Variants in UBE3A observed in about 807,000 individuals in gnomAD.
The protein encoded by UBE3A is ubiquitin protein ligase E3A.
In UBE3A, 6 loss-of-function variants were observed where a neutral mutation model predicts 83.4. That is an observed-to-expected ratio of 0.07 (90% CI 0.04 to 0.14). The LOEUF is 0.14. Ranked by LOEUF, UBE3A falls within the 10% of genes least tolerant of loss-of-function variation. The probability of loss-of-function intolerance (pLI) is 1.00; values close to 1 mark genes in which losing one functional copy is unlikely to be tolerated. For missense variants in UBE3A, 456 were observed against 1,036.1 expected, an observed-to-expected ratio of 0.44 and a Z score of 7.69; for synonymous variants, 337 against 355.4, an observed-to-expected ratio of 0.95 and a Z score of 0.58.
rs2152502529 is a variant in UBE3A at position 25,338,066 on chromosome 15, T to C, written c.*1071A>G. ...GGCACAGTAGCCATCTTTTTCATTA[T>C]GTTGCAACACTGATCACGTGCCTCG... On this transcript the variant is annotated 3_prime_UTR_variant, in exon 13 of 13. Coordinates refer to ENST00000648336, the MANE Select transcript of UBE3A (RefSeq NM_130839.5). 6.6e-6 allele frequency: 1 copy of C among 152,290 alleles called. No homozygotes were observed. Among genetic ancestry groups the C allele is most frequent in the African/African-American group, 2.4e-5 (1 of 41,572 alleles). 9.4% of individuals were successfully genotyped at this position (152,290 alleles called of 1,614,324 possible). A position where few individuals can be genotyped will look rare whatever the true frequency, so the allele number is the denominator to read the frequency against.
At chr15:25,364,656 T>TG (rs1201871842) in intron 6 of UBE3A, among the ~76,000 whole-genome samples, 4 of 149,510 alleles carry the variant, frequency 2.7e-5, no homozygotes, top group Admixed American at 2.0e-4. Flanking sequence ...TTTTTTTTTT[T>TG]TTTTTGAGAC....
chr15:25,376,636 T>A (rs776341317), intron 4 of UBE3A, among the ~76,000 whole-genome samples: 11 of 152,118 alleles, frequency 7.2e-5, no homozygotes, highest in Non-Finnish European at 1.2e-4. Flanking sequence ...AGCTAGACTT[T>A]GTCTCAAAAA....
intron 3 of UBE3A, chr15:25,405,719 GT>G: frequency 3.5e-6 from 2 of 568,810 alleles, no homozygotes; most frequent in Non-Finnish European, 6.3e-6. Context: ...CTCAATGCAT[GT>G]TTTTTAAAGG....
At chr15:25,342,918 G>A (rs1446648995) in intron 11 of UBE3A, among the ~76,000 whole-genome samples, 1 of 152,146 alleles carries the variant, frequency 6.6e-6, no homozygotes, top group South Asian at 2.1e-4. Context: ...GCAATGGCAG[G>A]CTCAGGAAGG....
chr15:25,354,311 T>C lies in UBE3A; in HGVS notation c.2354+42A>G, dbSNP rs906564798. 4.4e-6 allele frequency: 7 copies of C among 1,592,796 alleles called. No individual in the cohort carries two copies. In the East Asian group the frequency reaches 6.7e-5, roughly 15 times the overall value. On this transcript the variant is annotated intron_variant, in intron 11 of 12. Coordinates refer to ENST00000648336, the MANE Select transcript of UBE3A (RefSeq NM_130839.5). ...GGTCTGAAGCAAAATCACACACCCC[T>C]TTGGTGAATCAAATCTTCCTCTGAA...
At chr15:25,437,941 A>C (rs1409510737) in intron 1 of UBE3A, 1 of 152,296 alleles carries the variant, frequency 6.6e-6, no homozygotes, top group African/African-American at 2.4e-5. Context: ...TCAACTTCAG[A>C]AATCCTGGTG....
intron 11 of UBE3A, chr15:25,346,475 C>T (rs1002996596): frequency 2.0e-5 from 3 of 151,858 alleles, no homozygotes; most frequent in Non-Finnish European, 4.4e-5. Context: ...CTAAAATGTC[C>T]GAGACACAAT....
At chr15:25,382,197 T>G (rs2082291866) in intron 4 of UBE3A, among the ~76,000 whole-genome samples, 1 of 151,798 alleles carries the variant, frequency 6.6e-6, no homozygotes, top group African/African-American at 2.4e-5. Flanking sequence ...GGTGGGCGCC[T>G]ATAGTCCCAG....
At position 25,383,090 on chromosome 15, in the gene UBE3A, G is replaced by A. The variant is rs2082480183; in HGVS notation, c.63-7327C>T. ...AAGCATTACTTAGATATCGAAATCAGACAAATTTACAAGAAAAAAGAATCC... is the reference window on the plus strand; with the variant it reads ...AAGCATTACTTAGATATCGAAATCAAACAAATTTACAAGAAAAAAGAATCC... On this transcript the variant is annotated intron_variant, in intron 4 of 12. Transcript: ENST00000648336. Among the ~76,000 whole-genome samples, 3 of 151,786 alleles carry A rather than the reference G, an allele frequency of 2.0e-5. No individual in the cohort carries two copies. In the South Asian group the frequency reaches 6.2e-4, roughly 31 times the overall value.
Position 25,430,084 on chromosome 15 carries a change from TAA to T in UBE3A, c.-165+8403_-165+8404del, listed in dbSNP as rs1255708289. On this transcript the variant is annotated intron_variant, in intron 1 of 12. Coordinates refer to ENST00000648336, the MANE Select transcript of UBE3A (RefSeq NM_130839.5). ...ATTATATATATATAATACATATATA[TAA>T]GATTATATATATATTATATATATAA... Among the ~76,000 whole-genome samples, 3 of 97,788 alleles carry T rather than the reference TAA, an allele frequency of 3.1e-5. No individual in the cohort carries two copies. In the Admixed American group the frequency reaches 3.8e-4, roughly 12 times the overall value. The allele number at this position is 97,788 out of a possible 152,430, so 64.2% of individuals were successfully genotyped here.
At position 25,375,654 on chromosome 15, in the gene UBE3A, G is replaced by T; in HGVS notation, c.172C>A (p.Leu58Ile). 1.9e-6 allele frequency: 3 copies of T among 1,614,138 alleles called. No individual in the cohort carries two copies. Among genetic ancestry groups the T allele is most frequent in the South Asian group, 1.1e-5 (1 of 91,078 alleles). The part of the protein sequence containing the change: ...NEFCASCPTF[L>I]RMDNNAAAIK... ...GCTGCTGCATTATTATCCATACGAA[G>T]AAAAGTTGGACAGGAAGCACAAAAC... Residue 58 changes from leucine to isoleucine, a missense_variant, in exon 5 of 13, where the codon CTT (leucine) becomes ATT (isoleucine). By Grantham distance (5) the Leu-to-Ile change is conservative. This residue lies in a region of UBE3A where 20 missense variants were observed against 50.4 expected (regional missense o/e 0.40). Coordinates refer to ENST00000648336, the MANE Select transcript of UBE3A (RefSeq NM_130839.5).
At chr15:25,386,987 A>C (rs187327649) in intron 4 of UBE3A, among the ~76,000 whole-genome samples, 3 of 152,214 alleles carry the variant, frequency 2.0e-5, no homozygotes, top group Non-Finnish European at 2.9e-5. Flanking sequence ...GGAAACACTG[A>C]AAGTAAAATA....
At chr15:25,389,436 C>A (rs2083824176) in intron 4 of UBE3A, among the ~76,000 whole-genome samples, 1 of 152,096 alleles carries the variant, frequency 6.6e-6, no homozygotes, top group South Asian at 2.1e-4. Context: ...AAGGTACCAA[C>A]CATGAAGAAA....
At chr15:25,361,167 C>G (rs2078025447) in intron 6 of UBE3A, among the ~76,000 whole-genome samples, 1 of 147,038 alleles carries the variant, frequency 6.8e-6, no homozygotes, top group African/African-American at 2.5e-5. Context: ...ACTCTGTCGC[C>G]TAGGCTGGAG....
intron 3 of UBE3A, among the ~76,000 whole-genome samples, chr15:25,405,831 T>A (rs1033494993): frequency 1.3e-5 from 2 of 152,172 alleles, no homozygotes; most frequent in Admixed American, 1.3e-4. Context: ...ACTAAAAAAC[T>A]TCCTATAGCC....
chr15:25,340,621 G>T (rs1210916729), intron 11 of UBE3A, among the ~76,000 whole-genome samples: 2 of 151,812 alleles, frequency 1.3e-5, no homozygotes, highest in East Asian at 1.9e-4. Context: ...GTGCCTTTGG[G>T]TATATATTTT....
intron 7 of UBE3A, among the ~76,000 whole-genome samples, chr15:25,358,122 G>T (rs1285081603): frequency 6.6e-6 from 1 of 152,000 alleles, no homozygotes; most frequent in African/African-American, 2.4e-5. Context: ...TGTAATCCCA[G>T]CACTTTGGGG....
chr15:25,417,006 C>A (rs1887207422), intron 1 of UBE3A, among the ~76,000 whole-genome samples: 1 of 152,096 alleles, frequency 6.6e-6, no homozygotes, highest in South Asian at 2.1e-4. Flanking sequence ...AAGTGCTTGT[C>A]TGAGAAGGCA....
intron 4 of UBE3A, among the ~76,000 whole-genome samples, chr15:25,380,760 A>G (rs562071462): frequency 1.1e-4 from 17 of 152,352 alleles, no homozygotes; most frequent in African/African-American, 4.1e-4. Flanking sequence ...TTATTACTCA[A>G]AAAACAAAGT....
Sources: gnomAD v4.1 joint callset for allele counts (sites outside exome capture counted in the v4.1 genomes callset) on GRCh38, gnomAD v4.1.1 for gene constraint, gnomAD v4.1.1 regional missense constraint, MANE v1.5 for transcripts, NCBI Gene and HGNC (gene_info 2026-07-23, HGNC 2026-07-21) for gene names.